MAGI1: variants seen among roughly 807,000 people sequenced by gnomAD.
MAGI1 encodes the protein membrane associated guanylate kinase, WW and PDZ domain containing 1.
MAGI1 carries 58 observed loss-of-function variants against 139.9 expected under a neutral mutation model. The observed-to-expected ratio is 0.41, with a 90% confidence interval of 0.34 to 0.52. The LOEUF is 0.52. Among genes scored for constraint, MAGI1 ranks in the 20% least tolerant of loss-of-function variants. MAGI1 has a pLI of 0.12. For missense variants in MAGI1, 1,874 were observed against 1,901.6 expected (o/e 0.99, Z 0.27); for synonymous variants, 812 against 737.9 (o/e 1.10, Z -1.63).
At chr3:65,955,505 G>T (rs1375458553) in intron 1 of MAGI1, among the ~76,000 whole-genome samples, 1 of 152,104 alleles carries the variant, frequency 6.6e-6, no homozygotes, top group Admixed American at 6.5e-5. Context: ...AGGCTCGGAG[G>T]GAACCCACCT....
chr3:65,877,743 C>T (rs2060172028), intron 1 of MAGI1, among the ~76,000 whole-genome samples: 2 of 152,090 alleles, frequency 1.3e-5, no homozygotes, highest in African/African-American at 4.8e-5. Flanking sequence ...TTTGTAGAGA[C>T]AAACTCAAAA....
At chr3:65,383,252 G>A (rs989414992) in intron 15 of MAGI1, among the ~76,000 whole-genome samples, 1 of 152,178 alleles carries the variant, frequency 6.6e-6, no homozygotes, top group African/African-American at 2.4e-5. Context: ...TTCCTGTTTT[G>A]CTTTCTGTTT....
chr3:65,437,805 G>A (rs541504566), intron 9 of MAGI1, among the ~76,000 whole-genome samples: 22 of 152,278 alleles, frequency 1.4e-4, no homozygotes, highest in African/African-American at 5.3e-4. Context: ...ATCACTTCCA[G>A]CTCAGCTAAC....
At position 65,459,266 on chromosome 3, in the gene MAGI1, T is replaced by C. The variant is rs140613356; in HGVS notation, c.960-5926A>G. Among the ~76,000 whole-genome samples the C allele has an allele frequency of 1.2e-4, 19 of 152,336 alleles. No individual in the cohort carries two copies. The East Asian group carries it at 3.1e-3, about 25-fold the overall frequency. On this transcript the variant is annotated intron_variant, in intron 5 of 22. Transcript: ENST00000402939. ...TCCAGTTTTATTCTTTGACTCAGGA[T>C]ATATTTGGCTATTCTGGGTCTTTCG...
At chr3:65,383,660 A>G in intron 14 of MAGI1, 37 bp from the exon 15 acceptor site, 1 of 1,298,424 alleles carries the variant, frequency 7.7e-7, no homozygotes, top group Non-Finnish European at 1.1e-6. Flanking sequence ...GGATTATTTT[A>G]CTGATAAAAG....
At chr3:65,440,979 T>C (rs1285003362) in intron 8 of MAGI1, among the ~76,000 whole-genome samples, 1 of 151,986 alleles carries the variant, frequency 6.6e-6, no homozygotes, top group Non-Finnish European at 1.5e-5. Flanking sequence ...TTATTGTTTT[T>C]TGAGACAGTC....
At chr3:65,734,909 G>A in intron 1 of MAGI1, among the ~76,000 whole-genome samples, 1 of 147,906 alleles carries the variant, frequency 6.8e-6, no homozygotes, top group Admixed American at 6.8e-5. Flanking sequence ...GAGGAAGAGA[G>A]CGGAGGGGAG....
chr3:65,629,561 CAAAAA>C (rs57784561), intron 1 of MAGI1, among the ~76,000 whole-genome samples: 1 of 143,040 alleles, frequency 7.0e-6, no homozygotes. Flanking sequence ...GCTATTACAG[CAAAAA>C]AAAAAAAAAT....
At chr3:65,669,574 T>G (rs1384289831) in intron 1 of MAGI1, among the ~76,000 whole-genome samples, 1 of 152,236 alleles carries the variant, frequency 6.6e-6, no homozygotes, top group Non-Finnish European at 1.5e-5. Flanking sequence ...TTGCTTTGAC[T>G]AAACCACTTC....
chr3:65,488,823 C>G (rs1005996557), intron 3 of MAGI1, among the ~76,000 whole-genome samples: 5 of 152,086 alleles, frequency 3.3e-5, no homozygotes, highest in Non-Finnish European at 5.9e-5. Context: ...AGGTGCACGC[C>G]ACCGTGCCCA....
At chr3:65,964,019 T>C (rs921074538) in intron 1 of MAGI1, among the ~76,000 whole-genome samples, 2 of 152,240 alleles carry the variant, frequency 1.3e-5, no homozygotes, top group African/African-American at 4.8e-5. Context: ...GTCTAGTTCA[T>C]CTAATATAAT....
At chr3:65,687,330 G>A (rs771465886) in intron 1 of MAGI1, 4 of 240,696 alleles carry the variant, frequency 1.7e-5, no homozygotes, top group Non-Finnish European at 3.5e-5. Context: ...CATGGTTGTG[G>A]TGGACACTTG....
At chr3:65,605,513 C>T in intron 2 of MAGI1, among the ~76,000 whole-genome samples, 1 of 152,098 alleles carries the variant, frequency 6.6e-6, no homozygotes, top group East Asian at 1.9e-4. Flanking sequence ...AAGAAGTGCT[C>T]TTCTTCCTGC....
At chr3:65,981,962 G>A (rs1249605234) in intron 1 of MAGI1, among the ~76,000 whole-genome samples, 1 of 152,206 alleles carries the variant, frequency 6.6e-6, no homozygotes, top group Non-Finnish European at 1.5e-5. Context: ...TAGCATGTAT[G>A]TATTTTACAT....
chr3:65,565,400 G>T lies in MAGI1; in HGVS notation c.430+56572C>A, dbSNP rs1252539968. Among the ~76,000 whole-genome samples, 3 of 152,152 alleles carry T rather than the reference G, an allele frequency of 2.0e-5. No homozygotes were observed. In the East Asian group the frequency reaches 5.8e-4, roughly 29 times the overall value. ...CATGGCCAGAAAATATTTCAAGACA[G>T]TAGTAGTTAAGAAAATCAAAAGCAA... On this transcript the variant is annotated intron_variant, in intron 2 of 22. Transcript: ENST00000402939.
intron 1 of MAGI1, among the ~76,000 whole-genome samples, chr3:65,795,960 A>C (rs2040109344): frequency 6.6e-6 from 1 of 151,370 alleles, no homozygotes; most frequent in Non-Finnish European, 1.5e-5. Flanking sequence ...CTGAGGCGCA[A>C]GAATTGCTTG....
Position 65,355,759 on chromosome 3 carries a change from A to G in MAGI1, c.*619T>C, listed in dbSNP as rs1188154015. On this transcript the variant is annotated 3_prime_UTR_variant, in exon 23 of 23. Transcript: ENST00000402939. ...CTGAACCAACTATAACTCACAATAT[A>G]AAACTTCTTTGTGCTGCGCAGTTTA... 1 of 152,602 alleles carries G rather than the reference A, an allele frequency of 6.6e-6. No individual in the cohort carries two copies. Among genetic ancestry groups the G allele is most frequent in the Admixed American group, 6.5e-5 (1 of 15,280 alleles). 9.5% of individuals were successfully genotyped at this position (152,602 alleles called of 1,614,324 possible). A position where few individuals can be genotyped will look rare whatever the true frequency, so the allele number is the denominator to read the frequency against.
intron 4 of MAGI1, among the ~76,000 whole-genome samples, chr3:65,478,196 T>G (rs924719953): frequency 6.6e-6 from 1 of 151,978 alleles, no homozygotes; most frequent in Non-Finnish European, 1.5e-5. Context: ...ATAAAACACA[T>G]TCTCATATTT....
intron 2 of MAGI1, among the ~76,000 whole-genome samples, chr3:65,601,696 CT>C (rs1276274008): frequency 1.3e-5 from 2 of 150,074 alleles, no homozygotes; most frequent in Non-Finnish European, 3.0e-5. Flanking sequence ...AGCAGTAAAT[CT>C]TTTTTATCCT....
Sources: allele counts gnomAD v4.1 joint callset (sites outside exome capture counted in the v4.1 genomes callset), GRCh38; gene constraint gnomAD v4.1.1; transcripts MANE v1.5; gene names NCBI Gene and HGNC (gene_info 2026-07-23, HGNC 2026-07-21).